The following NUFIP1 variants were observed in gnomAD, a reference collection of about 807,000 sequenced individuals.
NUFIP1 encodes FMR1-interacting protein NUFIP1.
NUFIP1 carries 38 observed loss-of-function variants against 56.2 expected under a neutral mutation model. That is an observed-to-expected ratio of 0.68 (90% CI 0.52 to 0.89). NUFIP1 has a LOEUF of 0.89. Among genes scored for constraint, NUFIP1 ranks in the 40% least tolerant of loss-of-function variants. The probability of loss-of-function intolerance (pLI) is 0.00; values close to 1 mark genes in which losing one functional copy is unlikely to be tolerated. For missense variants in NUFIP1, 567 were observed against 605.8 expected, an observed-to-expected ratio of 0.94 and a Z score of 0.67; for synonymous variants, 215 against 212.4, an observed-to-expected ratio of 1.01 and a Z score of -0.10.
At chr13:44,954,906 G>A (rs1176089267) in intron 7 of NUFIP1, among the ~76,000 whole-genome samples, 2 of 152,162 alleles carry the variant, frequency 1.3e-5, no homozygotes, top group African/African-American at 4.8e-5. Flanking sequence ...TTACGTCCCA[G>A]TGTTCTACGA....
At chr13:44,944,072 A>G (rs1870837032) in intron 8 of NUFIP1, among the ~76,000 whole-genome samples, 1 of 152,236 alleles carries the variant, frequency 6.6e-6, no homozygotes, top group Non-Finnish European at 1.5e-5. Flanking sequence ...GCAATTTATA[A>G]CATCTATAGA....
At chr13:44,962,560 G>C (rs1353062050) in intron 6 of NUFIP1, among the ~76,000 whole-genome samples, 1 of 152,150 alleles carries the variant, frequency 6.6e-6, no homozygotes, top group African/African-American at 2.4e-5. Context: ...TAAGATTATA[G>C]CAGAGCTAAA....
At chr13:44,972,807 G>A (rs371735424) in intron 5 of NUFIP1, among the ~76,000 whole-genome samples, 5 of 152,158 alleles carry the variant, frequency 3.3e-5, no homozygotes, top group Admixed American at 6.5e-5. Context: ...CACCTCATGT[G>A]TATTTATTCA....
At chr13:44,941,445 T>C (rs1593354926) in intron 9 of NUFIP1, 123 bp from the exon 10 acceptor site, 2 of 563,260 alleles carry the variant, frequency 3.6e-6, no homozygotes, top group East Asian at 6.1e-5. Context: ...ATGTATTATA[T>C]TCACTATTTT....
chr13:44,968,736 G>A (rs1031187539), intron 5 of NUFIP1, among the ~76,000 whole-genome samples: 3 of 152,116 alleles, frequency 2.0e-5, no homozygotes. Flanking sequence ...GCAGAGTATT[G>A]CAGACTCTTA....
At chr13:44,947,469 C>A (rs7335818) in intron 8 of NUFIP1, among the ~76,000 whole-genome samples, 88,889 of 151,610 alleles carry the variant, frequency 0.59, 31,208 homozygotes, top group Non-Finnish European at 0.78. Context: ...GAACTCCTGA[C>A]CTCCGGTGAT....
At chr13:44,976,449 G>A (rs1362642659) in intron 5 of NUFIP1, among the ~76,000 whole-genome samples, 1 of 151,548 alleles carries the variant, frequency 6.6e-6, no homozygotes, top group African/African-American at 2.4e-5. Flanking sequence ...GGAAGAGGAG[G>A]AAGAGGAAGA....
At chr13:44,946,489 C>A (rs1870905441) in intron 8 of NUFIP1, among the ~76,000 whole-genome samples, 1 of 152,100 alleles carries the variant, frequency 6.6e-6, no homozygotes, top group African/African-American at 2.4e-5. Context: ...TGCTAACATG[C>A]AGAATAGATA....
intron 5 of NUFIP1, among the ~76,000 whole-genome samples, chr13:44,970,379 T>C (rs1324162226): frequency 6.6e-6 from 1 of 152,230 alleles, no homozygotes; most frequent in Admixed American, 6.5e-5. Context: ...GGAAGCCATA[T>C]GCCAAGCAAA....
rs148512832 is a variant in NUFIP1 at position 44,959,492 on chromosome 13, A to T, written c.910T>A (p.Ser304Thr). ...GKNHKWKNDN[S>T]RQRAVTGSGS... is the part of the protein sequence containing the mutation. ...GATCCAGTGACTGCTCTCTGTCTAGAATTGTCGTTTTTCCATTTGTGATTC... is the reference window on the plus strand; with the variant it reads ...GATCCAGTGACTGCTCTCTGTCTAGTATTGTCGTTTTTCCATTTGTGATTC... The change falls in exon 7 of 10, where the codon TCT becomes ACT. Residue 304 changes from serine to threonine, a missense_variant. By Grantham distance (58) the Ser-to-Thr change is moderately conservative. Transcript: ENST00000379161. 78 of 1,613,994 alleles carry T rather than the reference A, an allele frequency of 4.8e-5. No homozygotes were observed. Among genetic ancestry groups the T allele is most frequent in the Non-Finnish European group, 6.4e-5 (75 of 1,180,022 alleles).
chr13:44,952,828 C>T (rs774584749), intron 7 of NUFIP1, among the ~76,000 whole-genome samples: 3 of 152,196 alleles, frequency 2.0e-5, no homozygotes, highest in East Asian at 1.9e-4. Context: ...ACATTGCATT[C>T]GGTTGTCATG....
intron 8 of NUFIP1, among the ~76,000 whole-genome samples, chr13:44,945,243 A>G (rs1593356499): frequency 6.6e-6 from 1 of 152,036 alleles, no homozygotes; most frequent in East Asian, 1.9e-4. Flanking sequence ...CTATATACCA[A>G]TAAATTAACA....
intron 8 of NUFIP1, among the ~76,000 whole-genome samples, chr13:44,949,347 G>A (rs1282472612): frequency 7.4e-5 from 11 of 149,564 alleles, no homozygotes; most frequent in African/African-American, 2.2e-4. Context: ...GACTACAGGC[G>A]CCCGCCACTA....
chr13:44,966,721 C>T (rs1055587264), intron 5 of NUFIP1, among the ~76,000 whole-genome samples: 3 of 151,926 alleles, frequency 2.0e-5, no homozygotes, highest in African/African-American at 7.3e-5. Flanking sequence ...TGCCTGTAAT[C>T]CCAGCATTTT....
At chr13:44,942,886 A>C (rs146620535) in intron 9 of NUFIP1, among the ~76,000 whole-genome samples, 11 of 151,704 alleles carry the variant, frequency 7.3e-5, no homozygotes, top group African/African-American at 2.4e-4. Context: ...GGATCACTTG[A>C]GCCCAGGAAT....
At chr13:44,945,512 T>C (rs977397013) in intron 8 of NUFIP1, among the ~76,000 whole-genome samples, 1 of 151,974 alleles carries the variant, frequency 6.6e-6, no homozygotes, top group Non-Finnish European at 1.5e-5. Flanking sequence ...CCAAATCTCT[T>C]ACAATAAAAG....
At chr13:44,986,325 G>A (rs1206564133) in intron 1 of NUFIP1, among the ~76,000 whole-genome samples, 1 of 152,150 alleles carries the variant, frequency 6.6e-6, no homozygotes, top group South Asian at 2.1e-4. Flanking sequence ...CCTCATAGAC[G>A]ATTTTGAGGA....
chr13:44,960,752 C>T (rs1323578191), intron 6 of NUFIP1, among the ~76,000 whole-genome samples: 1 of 152,126 alleles, frequency 6.6e-6, no homozygotes, highest in Non-Finnish European at 1.5e-5. Context: ...TCAACAGCTA[C>T]AACTACTTTT....
At chr13:44,942,949 A>G (rs1474810452) in intron 9 of NUFIP1, among the ~76,000 whole-genome samples, 1 of 151,096 alleles carries the variant, frequency 6.6e-6, no homozygotes, top group Admixed American at 6.6e-5. Context: ...TTGGGTGACA[A>G]AGCAAGACCT....
Sources: gnomAD v4.1 joint callset for allele counts (sites outside exome capture counted in the v4.1 genomes callset) on GRCh38, gnomAD v4.1.1 for gene constraint, MANE v1.5 for transcripts, NCBI Gene and HGNC (gene_info 2026-07-23, HGNC 2026-07-21) for gene names.